OSBPL6: variants seen among roughly 807,000 people sequenced by gnomAD.
OSBPL6 encodes oxysterol binding protein like 6.
A neutral mutation model predicts 125.8 loss-of-function variants in OSBPL6; 49 were observed. That is an observed-to-expected ratio of 0.39 (90% CI 0.31 to 0.49). OSBPL6 has a LOEUF of 0.49. OSBPL6 is among the 20% of genes least tolerant of loss of function. The pLI is 0.88. For missense variants in OSBPL6, 986 were observed against 1,135.4 expected (o/e 0.87, Z 1.89); for synonymous variants, 394 against 391.8 (o/e 1.01, Z -0.07).
chr2:178,362,848 CA>C (rs1692478945), intron 13 of OSBPL6, among the ~76,000 whole-genome samples: 1 of 152,132 alleles, frequency 6.6e-6, no homozygotes, highest in Non-Finnish European at 1.5e-5. Context: ...AGTATAAAGC[CA>C]GGGGTCTCAG....
At chr2:178,314,490 G>T (rs1687569679) in intron 3 of OSBPL6, among the ~76,000 whole-genome samples, 1 of 152,176 alleles carries the variant, frequency 6.6e-6, no homozygotes, top group East Asian at 1.9e-4. Flanking sequence ...TCAAATTTCA[G>T]TTTAGCCTTT....
chr2:178,374,058 A>G (rs764883770), intron 15 of OSBPL6, 31 bp downstream of exon 15: 4 of 1,605,426 alleles, frequency 2.5e-6, no homozygotes, highest in African/African-American at 1.3e-5. Flanking sequence ...TGTTGGCCTC[A>G]ACATCTTGTG....
intron 1 of OSBPL6, among the ~76,000 whole-genome samples, chr2:178,212,905 T>A (rs1401000699): frequency 3.3e-5 from 5 of 152,048 alleles, no homozygotes; most frequent in Admixed American, 3.3e-4. Context: ...CCTCCCGGGT[T>A]CAAGCGATTC....
intron 9 of OSBPL6, 49 bp from the exon 10 acceptor site, chr2:178,338,942 C>G: frequency 7.3e-7 from 1 of 1,364,074 alleles, no homozygotes; most frequent in Non-Finnish European, 1.0e-6. Context: ...ACCATCCCCA[C>G]CGCTCCCTAC....
intron 7 of OSBPL6, 46 bp downstream of exon 7, chr2:178,332,800 G>T: frequency 6.2e-7 from 1 of 1,609,254 alleles, no homozygotes; most frequent in South Asian, 1.1e-5. Flanking sequence ...CAGGGGAAAC[G>T]ATTTGCCTAC....
At chr2:178,355,823 G>T (rs888152998) in intron 12 of OSBPL6, among the ~76,000 whole-genome samples, 1 of 152,182 alleles carries the variant, frequency 6.6e-6, no homozygotes, top group Non-Finnish European at 1.5e-5. Context: ...ATGAACATCA[G>T]TGCAAAAATC....
chr2:178,324,397 C>T lies in OSBPL6; in HGVS notation c.195+128C>T, dbSNP rs943553007. On this transcript the variant is annotated intron_variant, in intron 4 of 24. Transcript: ENST00000190611. ...GATGCCACTTGTAGGCAACTCTTTG[C>T]ACTTTTTCTGCTTCCAAGGAGTAGA... is the stretch of plus-strand genomic sequence containing the variant. The T allele has an allele frequency of 5.1e-6, 3 of 589,124 alleles. No homozygotes were observed. The African/African-American group carries it at 5.4e-5, about 11-fold the overall frequency. The allele number at this position is 589,124 out of a possible 1,614,324, so 36.5% of individuals were successfully genotyped here. A position where few individuals can be genotyped will look rare whatever the true frequency, so the allele number is the denominator to read the frequency against.
At chr2:178,201,204 C>A (rs139125348) in intron 1 of OSBPL6, among the ~76,000 whole-genome samples, 1 of 152,226 alleles carries the variant, frequency 6.6e-6, no homozygotes, top group East Asian at 1.9e-4. Context: ...CATGGTTACT[C>A]TGTCCAAAGA....
chr2:178,290,836 A>T (rs953714305), intron 2 of OSBPL6, among the ~76,000 whole-genome samples: 10 of 152,098 alleles, frequency 6.6e-5, no homozygotes, highest in Non-Finnish European at 1.5e-4. Flanking sequence ...AAGGTGGGAA[A>T]TACATGTGTC....
Position 178,372,092 on chromosome 2 carries a change from TTTAAA to T in OSBPL6, c.1288-30_1288-26del, listed in dbSNP as rs1473894239. 5 of 1,497,280 alleles carry T rather than the reference TTTAAA, an allele frequency of 3.3e-6. No homozygotes were observed. The Admixed American group carries it at 5.1e-5, about 15-fold the overall frequency. 92.7% of individuals were successfully genotyped at this position (1,497,280 alleles called of 1,614,324 possible). ...TTCTGTTTTATGCTTGCTTATTAAT[TTTAAA>T]TTACATATGTGGTTTTTGTTATTTT... On this transcript the variant is annotated intron_variant, in intron 13 of 24. Coordinates refer to ENST00000190611, the MANE Select transcript of OSBPL6 (RefSeq NM_032523.4).
intron 17 of OSBPL6, among the ~76,000 whole-genome samples, chr2:178,383,764 A>C (rs1694696253): frequency 6.6e-6 from 1 of 152,236 alleles, no homozygotes; most frequent in Non-Finnish European, 1.5e-5. Flanking sequence ...GGGTTTCAGA[A>C]CCTTTGAACT....
chr2:178,340,545 A>T (rs1690103358), intron 11 of OSBPL6, among the ~76,000 whole-genome samples: 1 of 152,182 alleles, frequency 6.6e-6, no homozygotes, highest in African/African-American at 2.4e-5. Context: ...ATGGTAGATT[A>T]TGTCATAAAC....
intron 1 of OSBPL6, among the ~76,000 whole-genome samples, chr2:178,221,137 T>C: frequency 6.6e-6 from 1 of 152,236 alleles, no homozygotes; most frequent in East Asian, 1.9e-4. Context: ...TCAACTAGAC[T>C]ATTCATATCA....
chr2:178,353,395 A>T (rs1336547153), intron 12 of OSBPL6, among the ~76,000 whole-genome samples: 5 of 152,190 alleles, frequency 3.3e-5, no homozygotes, highest in Non-Finnish European at 7.3e-5. Flanking sequence ...TGTGGAGAGG[A>T]CCTTAAATGA....
At chr2:178,354,694 C>A (rs562481697) in intron 12 of OSBPL6, among the ~76,000 whole-genome samples, 4 of 152,164 alleles carry the variant, frequency 2.6e-5, no homozygotes, top group Non-Finnish European at 4.4e-5. Context: ...AGAAGGTTAA[C>A]AAGGATATCC....
At position 178,395,705 on chromosome 2, in the gene OSBPL6, A is replaced by G; in HGVS notation, c.*146A>G. 1 of 586,268 alleles carries G rather than the reference A, an allele frequency of 1.7e-6. No homozygotes were observed. The allele number at this position is 586,268 out of a possible 1,614,324, so 36.3% of individuals were successfully genotyped here. On this transcript the variant is annotated 3_prime_UTR_variant, in exon 25 of 25. Coordinates refer to ENST00000190611, the MANE Select transcript of OSBPL6 (RefSeq NM_032523.4). Reference sequence around the variant, plus strand: ...CTATTCATCTTTATAATGGACTTTCAGAAGTGCATTAGACAAGGCCCCTAA... The same window carrying G: ...CTATTCATCTTTATAATGGACTTTCGGAAGTGCATTAGACAAGGCCCCTAA...
intron 1 of OSBPL6, among the ~76,000 whole-genome samples, chr2:178,271,790 AG>A (rs1462967649): frequency 6.6e-6 from 1 of 152,214 alleles, no homozygotes; most frequent in Non-Finnish European, 1.5e-5. Context: ...CCAAGGATTC[AG>A]TTGCCATTCC....
intron 1 of OSBPL6, among the ~76,000 whole-genome samples, chr2:178,259,627 A>G (rs2154013587): frequency 6.6e-6 from 1 of 152,296 alleles, no homozygotes; most frequent in Middle Eastern, 3.4e-3. Context: ...TCCCACCAAA[A>G]AAAAGTCAGA....
At position 178,332,971 on chromosome 2, in the gene OSBPL6, T is replaced by C; in HGVS notation, c.587T>C (p.Phe196Ser). The C allele has an allele frequency of 6.2e-7, 1 of 1,614,208 alleles. No homozygotes were observed. The highest frequency in any genetic ancestry group is 1.6e-4 in the Middle Eastern group (1 of 6,062). ...GTGAGATCACCAAGAGATGCTAGTT[T>C]TCACATATTTCCTTCAACGTCCACA... ...EIVRSPRDASFHIFPSTSTAE... is the reference protein window; with the variant it reads ...EIVRSPRDASSHIFPSTSTAE... The change falls in exon 8 of 25, where the codon TTT (phenylalanine) becomes TCT (serine). Residue 196 changes from phenylalanine to serine, a missense_variant. By Grantham distance (155) the Phe-to-Ser change is radical. Transcript: ENST00000190611.
Sources: gnomAD v4.1 joint callset for allele counts (sites outside exome capture counted in the v4.1 genomes callset) on GRCh38, gnomAD v4.1.1 for gene constraint, MANE v1.5 for transcripts, NCBI Gene and HGNC (gene_info 2026-07-23, HGNC 2026-07-21) for gene names.